The following NMT2 variants were observed in gnomAD, a reference collection of about 807,000 sequenced individuals.
The protein encoded by NMT2 is glycylpeptide N-tetradecanoyltransferase 2.
NMT2 carries 35 observed loss-of-function variants against 65.4 expected under a neutral mutation model. The ratio of observed to expected loss-of-function variants is 0.54; its 90% CI spans 0.41 to 0.71. The LOEUF (loss-of-function observed/expected upper bound fraction) is 0.71, where lower values mean the gene tolerates loss of function less well. NMT2 is among the 30% of genes least tolerant of loss of function. The pLI is 0.00. For missense variants in NMT2, 489 were observed against 611.3 expected, an observed-to-expected ratio of 0.80 and a Z score of 2.11; for synonymous variants, 226 against 231.8, an observed-to-expected ratio of 0.98 and a Z score of 0.23.
At position 15,155,179 on chromosome 10, in the gene NMT2, T is replaced by C. The variant is rs770247610; in HGVS notation, c.110+13324A>G. 9 of 1,534,594 alleles carry C rather than the reference T, an allele frequency of 5.9e-6. No homozygotes were observed. The South Asian group carries it at 8.9e-5, about 15-fold the overall frequency. ...ATAATTCTGTGAAAGCAGGAACCCTTATAACCAAATCCTTTCTCTCCAGTG... is the reference window on the plus strand; with the variant it reads ...ATAATTCTGTGAAAGCAGGAACCCTCATAACCAAATCCTTTCTCTCCAGTG... On this transcript the variant is annotated intron_variant, in intron 1 of 11. Transcript: ENST00000378165.
In NMT2 at chr10:15,109,178, G is replaced by A; in HGVS notation, c.*17C>T. 1.2e-6 allele frequency: 2 copies of A among 1,600,908 alleles called. No individual in the cohort carries two copies. Among genetic ancestry groups the A allele is most frequent in the Middle Eastern group, 1.7e-4 (1 of 6,004 alleles). ...AACAAATGATGATGTCAGAGTTCTA[G>A]AAATAAAAATATCCATCTATTGTAG... On this transcript the variant is annotated 3_prime_UTR_variant, in exon 12 of 12. Transcript: ENST00000378165.
In NMT2 at chr10:15,126,315, G is replaced by A. The variant is rs540872086; in HGVS notation, c.999+2035C>T. ...GTGGTGGTGCACACCTGTAATCCCA[G>A]CTACTTGGGAGGCTGAGGCAGGAGA... On this transcript the variant is annotated intron_variant, in intron 8 of 11. Coordinates refer to ENST00000378165, the MANE Select transcript of NMT2 (RefSeq NM_004808.3). Among the ~76,000 whole-genome samples the A allele has an allele frequency of 2.0e-5, 3 of 151,924 alleles. No homozygotes were observed. In the East Asian group the frequency reaches 5.9e-4, roughly 30 times the overall value.
At chr10:15,149,213 C>G (rs1847064179) in intron 1 of NMT2, among the ~76,000 whole-genome samples, 1 of 150,408 alleles carries the variant, frequency 6.6e-6, no homozygotes, top group African/African-American at 2.4e-5. Context: ...ACCATCATCA[C>G]CATCATATCA....
At chr10:15,155,237 C>G in intron 1 of NMT2, 7 of 1,506,252 alleles carry the variant, frequency 4.6e-6, no homozygotes, top group Non-Finnish European at 6.5e-6. Context: ...TCTTTGGAAA[C>G]TTGTCTGCAA....
chr10:15,128,367 G>T lies in NMT2; in HGVS notation c.982C>A (p.Leu328Ile), dbSNP rs1846167449. Residue 328 changes from leucine (L) to isoleucine (I), a missense_variant, in exon 8 of 12, where the codon CTA (leucine) becomes ATA (isoleucine). Coordinates refer to ENST00000378165, the MANE Select transcript of NMT2 (RefSeq NM_004808.3). ...RNMTLQRTMK[L>I]YRLPDVTKTS... is the part of the protein sequence containing the mutation. Reference sequence around the variant, plus strand: ...TTACTTACATCTGGAAGTCTGTATAGCTTCATTGTTCTCTGTAAAGTCATA... The same window carrying T: ...TTACTTACATCTGGAAGTCTGTATATCTTCATTGTTCTCTGTAAAGTCATA... The T allele has an allele frequency of 1.3e-6, 2 of 1,589,176 alleles. No homozygotes were observed. The highest frequency in any genetic ancestry group is 1.7e-4 in the Middle Eastern group (1 of 6,042).
At position 15,107,795 on chromosome 10, in the gene NMT2, C is replaced by T. The variant is rs768695539; in HGVS notation, c.*1400G>A. 7.1e-5 allele frequency: 70 copies of T among 985,576 alleles called. No individual in the cohort carries two copies. Among genetic ancestry groups the T allele is most frequent in the East Asian group, 1.1e-4 (1 of 8,818 alleles). 61.1% of individuals were successfully genotyped at this position (985,576 alleles called of 1,614,324 possible). A position where few individuals can be genotyped will look rare whatever the true frequency, so the allele number is the denominator to read the frequency against. On this transcript the variant is annotated 3_prime_UTR_variant, in exon 12 of 12. Transcript: ENST00000378165. ...TGGTATCTGAGTTGAGGCCAGGCTA[C>T]GTGGCCTCGGTTAGCATCTTATTTT...
At chr10:15,114,524 A>C (rs1052983204) in intron 9 of NMT2, among the ~76,000 whole-genome samples, 2 of 152,202 alleles carry the variant, frequency 1.3e-5, no homozygotes, top group African/African-American at 4.8e-5. Context: ...ATGGCTTATA[A>C]GCAACTTCTA....
At chr10:15,161,194 T>C (rs911381969) in intron 1 of NMT2, among the ~76,000 whole-genome samples, 3 of 149,848 alleles carry the variant, frequency 2.0e-5, no homozygotes, top group African/African-American at 4.9e-5. Context: ...ATTGTTATCA[T>C]AGAGTCACAT....
chr10:15,131,376 C>G (rs1344067889), intron 6 of NMT2, among the ~76,000 whole-genome samples: 4 of 151,058 alleles, frequency 2.6e-5, no homozygotes, highest in Non-Finnish European at 5.9e-5. Context: ...GTCTCGACCT[C>G]CTGGCCTCAA....
intron 8 of NMT2, among the ~76,000 whole-genome samples, chr10:15,119,793 TTGGTC>T (rs1238821590): frequency 6.6e-6 from 1 of 152,202 alleles, no homozygotes; most frequent in Non-Finnish European, 1.5e-5. Context: ...CGGCAAGTCT[TTGGTC>T]ACTACTGCCC....
Position 15,108,279 on chromosome 10 carries a change from C to T in NMT2, c.*916G>A. 1 of 738,590 alleles carries T rather than the reference C, an allele frequency of 1.4e-6. No homozygotes were observed. The highest frequency in any genetic ancestry group is 1.7e-6 in the Non-Finnish European group (1 of 605,294). 45.8% of individuals were successfully genotyped at this position (738,590 alleles called of 1,614,324 possible). On this transcript the variant is annotated 3_prime_UTR_variant, in exon 12 of 12. Coordinates refer to ENST00000378165, the MANE Select transcript of NMT2 (RefSeq NM_004808.3). Reference sequence around the variant, plus strand: ...CTCGGCTCACTGCAACCTCACCTCTCAGGTTCAAGCGATTCTCCTGCCTCA... The same window carrying T: ...CTCGGCTCACTGCAACCTCACCTCTTAGGTTCAAGCGATTCTCCTGCCTCA...
chr10:15,127,501 C>T (rs1241749423), intron 8 of NMT2, among the ~76,000 whole-genome samples: 22 of 132,898 alleles, frequency 1.7e-4, no homozygotes, highest in African/African-American at 5.5e-4. Context: ...GAGCCGAGAT[C>T]CCGCCACTGC....
chr10:15,153,689 C>T (rs913269999), intron 1 of NMT2, among the ~76,000 whole-genome samples: 7 of 151,782 alleles, frequency 4.6e-5, no homozygotes, highest in South Asian at 2.1e-4. Context: ...CTCGTTCTGT[C>T]GCCCAGGCTG....
chr10:15,117,553 T>A (rs998135694), intron 9 of NMT2, among the ~76,000 whole-genome samples: 18 of 152,182 alleles, frequency 1.2e-4, no homozygotes, highest in Non-Finnish European at 2.2e-4. Flanking sequence ...CCTGCATTAA[T>A]GCAAGACCAA....
chr10:15,157,398 G>C (rs1833039710), intron 1 of NMT2, among the ~76,000 whole-genome samples: 1 of 152,166 alleles, frequency 6.6e-6, no homozygotes, highest in Non-Finnish European at 1.5e-5. Context: ...GGTACAAGAG[G>C]GCTGAAGTGG....
chr10:15,137,847 C>T (rs1364786657), intron 2 of NMT2, among the ~76,000 whole-genome samples: 2 of 152,094 alleles, frequency 1.3e-5, no homozygotes, highest in African/African-American at 2.4e-5. Context: ...GACCCAATGA[C>T]CAAAATGACC....
intron 6 of NMT2, among the ~76,000 whole-genome samples, chr10:15,130,756 A>G (rs76584671): frequency 0.024 from 3,507 of 143,214 alleles, 91 homozygotes; most frequent in African/African-American, 0.052. Context: ...AAAAAAGAAC[A>G]TAAAGGCCAT....
chr10:15,132,123 G>A (rs558405511), intron 6 of NMT2, among the ~76,000 whole-genome samples: 2 of 152,142 alleles, frequency 1.3e-5, no homozygotes, highest in East Asian at 1.9e-4. Flanking sequence ...CCTCGGCCCC[G>A]ACCAAAGTCC....
chr10:15,164,182 CAAAAAAAAAAAAAA>C (rs34847914), intron 1 of NMT2, among the ~76,000 whole-genome samples: 1 of 69,868 alleles, frequency 1.4e-5, no homozygotes, highest in Non-Finnish European at 2.7e-5. Flanking sequence ...GAATTGGTCT[CAAAAAAAAAAAAAA>C]AAAAAAAAAA....
Sources: allele counts gnomAD v4.1 joint callset (sites outside exome capture counted in the v4.1 genomes callset), GRCh38; gene constraint gnomAD v4.1.1; transcripts MANE v1.5; gene names NCBI Gene and HGNC (gene_info 2026-07-23, HGNC 2026-07-21).